The following STK25 variants were observed in gnomAD, a reference collection of about 807,000 sequenced individuals.
STK25 encodes serine/threonine-protein kinase 25.
STK25 carries 29 observed loss-of-function variants against 53.8 expected under a neutral mutation model. The observed-to-expected ratio is 0.54, with a 90% CI of 0.40 to 0.74. The LOEUF (loss-of-function observed/expected upper bound fraction) is 0.74, where lower values mean the gene tolerates loss of function less well. STK25 is among the 30% of genes least tolerant of loss of function. The probability of loss-of-function intolerance (pLI) is 0.00; values close to 1 mark genes in which losing one functional copy is unlikely to be tolerated. For synonymous variants in STK25, 247 were observed against 238.3 expected, an observed-to-expected ratio of 1.04 and a Z score of -0.33; for missense variants, 420 against 568.0, an observed-to-expected ratio of 0.74 and a Z score of 2.65.
chr2:241,501,471 C>T lies in STK25; in HGVS notation c.261+7G>A, dbSNP rs779914368. Reference sequence around the variant, plus strand: ...CAGCAGGGTCCCCGCCTCCCCACAACAGGCACCTTTAGGTAGGAGCCAAAG... The same window carrying T: ...CAGCAGGGTCCCCGCCTCCCCACAATAGGCACCTTTAGGTAGGAGCCAAAG... On this transcript the variant is annotated splice_region_variant and intron_variant, in intron 3 of 11. Coordinates refer to ENST00000316586, the MANE Select transcript of STK25 (RefSeq NM_001271977.2). This position sits in a 1 kb window ranked among gnomAD's most constrained non-coding sequence, Gnocchi z 5.3. The T allele has an allele frequency of 2.5e-6, 4 of 1,612,952 alleles. No homozygotes were observed. The South Asian group carries it at 4.4e-5, about 18-fold the overall frequency.
chr2:241,497,808 A>T (rs1283466319), intron 9 of STK25, 121 bp from the exon 10 acceptor site: 1 of 1,016,472 alleles, frequency 9.8e-7, no homozygotes. Context: ...GTCGGGGCAC[A>T]TGTCCAGGGC....
intron 2 of STK25, among the ~76,000 whole-genome samples, chr2:241,504,965 G>A (rs947306133): frequency 3.3e-5 from 5 of 150,860 alleles, no homozygotes; most frequent in Non-Finnish European, 5.9e-5. Flanking sequence ...TGCCCAGGCT[G>A]GAGTGCAGTG....
At chr2:241,506,703 G>C (rs1051049986) in intron 2 of STK25, among the ~76,000 whole-genome samples, 11 of 152,102 alleles carry the variant, frequency 7.2e-5, no homozygotes, top group African/African-American at 2.7e-4. Flanking sequence ...GGAGGCAGAG[G>C]GTGCAGTGAG....
chr2:241,506,281 A>G (rs900035011), intron 2 of STK25, among the ~76,000 whole-genome samples: 1 of 152,202 alleles, frequency 6.6e-6, no homozygotes, highest in African/African-American at 2.4e-5. Flanking sequence ...GTCTCTCATC[A>G]TCCAGGCTGG....
In STK25 at chr2:241,493,184, C is replaced by T; in HGVS notation, c.*2478G>A. The T allele has an allele frequency of 2.2e-6, 3 of 1,354,214 alleles. No homozygotes were observed. Among genetic ancestry groups the T allele is most frequent in the Non-Finnish European group, 3.1e-6 (3 of 961,482 alleles). The allele number at this position is 1,354,214 out of a possible 1,614,324, so 83.9% of individuals were successfully genotyped here. A position where few individuals can be genotyped will look rare whatever the true frequency, so the allele number is the denominator to read the frequency against. ...CTGTGTGAACAGGGAAACTGGCTCC[C>T]TTGGCCCGTGGGCATTTGTACGTGC... On this transcript the variant is annotated 3_prime_UTR_variant, in exon 12 of 12. Coordinates refer to ENST00000316586, the MANE Select transcript of STK25 (RefSeq NM_001271977.2).
In STK25 at chr2:241,495,716, G is replaced by C; in HGVS notation, c.1242-15C>G. On this transcript the variant is annotated splice_polypyrimidine_tract_variant and intron_variant, in intron 11 of 11. Coordinates refer to ENST00000316586, the MANE Select transcript of STK25 (RefSeq NM_001271977.2). The stretch of plus-strand genomic sequence containing the variant: ...TGTGTGAAAACCTGCAGAGAGAAGA[G>C]CCCACTGCTGCGTGCGTGCACCTCT... The C allele has an allele frequency of 3.7e-6, 6 of 1,613,888 alleles. No individual in the cohort carries two copies. Among genetic ancestry groups the C allele is most frequent in the Non-Finnish European group, 5.1e-6 (6 of 1,179,802 alleles).
In STK25 at chr2:241,493,597, G is replaced by GTTT. The variant is rs11320829; in HGVS notation, c.*2062_*2064dup. 907 of 558,698 alleles carry GTTT rather than the reference G, an allele frequency of 1.6e-3. 1 individual carries two copies. The highest frequency in any genetic ancestry group is 3.3e-3 in the Middle Eastern group (7 of 2,090). 34.6% of individuals were successfully genotyped at this position (558,698 alleles called of 1,614,324 possible). ...CATTTCCAAAAAACAGCAATGCTTT[G>GTTT]TTTTTTTTTTTTTTGGAGATGGCGT... On this transcript the variant is annotated 3_prime_UTR_variant, in exon 12 of 12. Coordinates refer to ENST00000316586, the MANE Select transcript of STK25 (RefSeq NM_001271977.2).
At position 241,498,286 on chromosome 2, in the gene STK25, C is replaced by G; in HGVS notation, c.981G>C (p.Pro327=). The change falls in exon 9 of 12, where the codon CCG becomes CCC. Residue 327 remains proline (P), a synonymous_variant. Coordinates refer to ENST00000316586, the MANE Select transcript of STK25 (RefSeq NM_001271977.2). Reference sequence around the variant, plus strand: ...CCTTGTGAAGCTTGCTGTGTGGACTCGGCCGGATGGTAGGGGGGAACGTCC... The same window carrying G: ...CCTTGTGAAGCTTGCTGTGTGGACTGGGCCGGATGGTAGGGGGGAACGTCC... ...PIWTFPPTIR[P]SPHSKLHKGT... is the part of the protein sequence containing the mutation. 1 of 1,606,776 alleles carries G rather than the reference C, an allele frequency of 6.2e-7. No homozygotes were observed. The highest frequency in any genetic ancestry group is 2.2e-5 in the East Asian group (1 of 44,540).
chr2:241,502,209 C>G (rs545743304), intron 2 of STK25, among the ~76,000 whole-genome samples: 3 of 151,914 alleles, frequency 2.0e-5, no homozygotes, highest in Admixed American at 1.3e-4. Context: ...AAAACCTAAA[C>G]TGAACTTTCC....
intron 2 of STK25, 79 bp downstream of exon 2, chr2:241,507,927 G>A (rs2065942393): frequency 5.7e-6 from 8 of 1,401,122 alleles, no homozygotes; most frequent in Middle Eastern, 1.8e-4. Context: ...CCGGCGTGGC[G>A]CTCCCCTCTG....
rs374279832 is a variant in STK25, at chr2:241,508,385, C to T, written c.-101+58G>A. The T allele has an allele frequency of 7.0e-3, 6,747 of 967,170 alleles. 151 individuals carry two copies. In the South Asian group the frequency reaches 0.075, roughly 11 times the overall value. The allele number at this position is 967,170 out of a possible 1,614,324, so 59.9% of individuals were successfully genotyped here. On this transcript the variant is annotated intron_variant, in intron 1 of 11. Coordinates refer to ENST00000316586, the MANE Select transcript of STK25 (RefSeq NM_001271977.2). ...CCCCGCCACCGAGCCCCGCCCCGGG[C>T]CCCTCCCTCTGCCCCCTCCCCAATC...
chr2:241,503,413 G>A (rs539247441), intron 2 of STK25, among the ~76,000 whole-genome samples: 1 of 150,604 alleles, frequency 6.6e-6, no homozygotes, highest in South Asian at 2.2e-4. Flanking sequence ...GTGTGGCAGA[G>A]CATAAAAAGG....
intron 2 of STK25, among the ~76,000 whole-genome samples, chr2:241,506,698 C>T (rs2065852265): frequency 6.6e-6 from 1 of 152,160 alleles, no homozygotes; most frequent in African/African-American, 2.4e-5. Flanking sequence ...ACTTGGGAGG[C>T]AGAGGGTGCA....
intron 9 of STK25, among the ~76,000 whole-genome samples, chr2:241,497,924 G>A (rs1484417078): frequency 3.4e-5 from 5 of 148,280 alleles, no homozygotes; most frequent in Non-Finnish European, 7.6e-5. Flanking sequence ...TGACTCTGAG[G>A]GCCTGTGACT....
chr2:241,500,251 T>C lies in STK25; in HGVS notation c.349A>G (p.Ile117Val). The C allele has an allele frequency of 1.2e-6, 2 of 1,613,914 alleles. No individual in the cohort carries two copies. Among genetic ancestry groups the C allele is most frequent in the East Asian group, 2.2e-5 (1 of 44,868 alleles). ...LKPGPLEETY[I>V]ATILREILKG... ...AGAATCTCCCGCAGGATCGTGGCAA[T>C]GTATGTCTCCTCCAGGGGACCTGGT... Residue 117 changes from isoleucine (I) to valine (V), a missense_variant, in exon 5 of 12, where the codon ATT becomes GTT. Physicochemically the swap from Ile to Val is conservative, Grantham distance 29. Coordinates refer to ENST00000316586, the MANE Select transcript of STK25 (RefSeq NM_001271977.2).
At position 241,498,594 on chromosome 2, in the gene STK25, C is replaced by T. The variant is rs115841065; in HGVS notation, c.917+45G>A. 5.5e-4 allele frequency: 864 copies of T among 1,579,114 alleles called. 7 individuals are homozygous for T. The African/African-American group carries it at 9.5e-3, about 17-fold the overall frequency. On this transcript the variant is annotated intron_variant, in intron 8 of 11. Coordinates refer to ENST00000316586, the MANE Select transcript of STK25 (RefSeq NM_001271977.2). ...CTGCTTCTGGAGTGGGGACCACCCA[C>T]GTCACAGCACCTAGGGTCACCATGA...
chr2:241,495,601 C>G lies in STK25; in HGVS notation c.*61G>C. 1 of 1,593,652 alleles carries G rather than the reference C, an allele frequency of 6.3e-7. No individual in the cohort carries two copies. On this transcript the variant is annotated 3_prime_UTR_variant, in exon 12 of 12. Transcript: ENST00000316586. ...GGGCACCTTCCAAGTCAGCACAGTTCTTATGGAGCTCAGAACAAAAACAAA... is the reference window on the plus strand; with the variant it reads ...GGGCACCTTCCAAGTCAGCACAGTTGTTATGGAGCTCAGAACAAAAACAAA...
At chr2:241,505,805 A>C (rs2065786843) in intron 2 of STK25, among the ~76,000 whole-genome samples, 5 of 148,944 alleles carry the variant, frequency 3.4e-5, no homozygotes, top group African/African-American at 5.0e-5. Context: ...AGCCATCCCC[A>C]CCCCCACCTG....
In STK25 at chr2:241,499,346, T is replaced by C. The variant is rs1254685923; in HGVS notation, c.496A>G (p.Thr166Ala). 1.9e-6 allele frequency: 3 copies of C among 1,613,882 alleles called. No individual in the cohort carries two copies. Among genetic ancestry groups the C allele is most frequent in the Non-Finnish European group, 2.5e-6 (3 of 1,179,978 alleles). Residue 166 changes from threonine (T) to alanine (A), a missense_variant, in exon 6 of 12, where the codon ACA becomes GCA. Transcript: ENST00000316586. ...LADFGVAGQLTDTQIKRNTFV... is the reference protein window; with the variant it reads ...LADFGVAGQLADTQIKRNTFV... ...GTGTTCCTCTTAATCTGCGTGTCTG[T>C]GAGCTGCCCTGCTACCCCAAAGTCC... is the stretch of plus-strand genomic sequence containing the variant.
Sources: gnomAD v4.1 joint callset for allele counts (sites outside exome capture counted in the v4.1 genomes callset) on GRCh38, gnomAD v4.1.1 for gene constraint, Gnocchi (gnomAD v3.1) non-coding constraint, MANE v1.5 for transcripts, NCBI Gene and HGNC (gene_info 2026-07-23, HGNC 2026-07-21) for gene names.